The following UBE3C variants were observed in gnomAD, a reference collection of about 807,000 sequenced individuals.
UBE3C encodes the protein ubiquitin-protein ligase E3C.
A neutral mutation model predicts 129.4 loss-of-function variants in UBE3C; 42 were observed. The observed-to-expected ratio is 0.32, with a 90% confidence interval of 0.25 to 0.42. UBE3C has a LOEUF of 0.42. Ranked by LOEUF, UBE3C falls within the 10% of genes least tolerant of loss-of-function variation. UBE3C has a pLI of 1.00. For synonymous variants in UBE3C, 510 were observed against 492.4 expected (o/e 1.04, Z -0.47); for missense variants, 1,049 against 1,319.1 (o/e 0.80, Z 3.17).
chr7:157,175,078 CA>C (rs752883213), intron 5 of UBE3C, 44 bp downstream of exon 5: 4 of 1,386,562 alleles, frequency 2.9e-6, no homozygotes, highest in Non-Finnish European at 3.9e-6. Context: ...ATGTATTGAT[CA>C]CCTTGTCTAG....
chr7:157,207,974 A>T, intron 13 of UBE3C, 39 bp downstream of exon 13: 1 of 1,348,372 alleles, frequency 7.4e-7, no homozygotes, highest in Non-Finnish European at 9.6e-7. Context: ...CTGACATTGA[A>T]AAATGTACAA....
Position 157,197,486 on chromosome 7 carries a change from T to A in UBE3C, c.1332-4235T>A, listed in dbSNP as rs1324197087. ...AATAACAATAAAACCAAAATTTATC[T>A]GTAAAAATAATAAAAATAATTTGTT... On this transcript the variant is annotated intron_variant, in intron 10 of 22. Coordinates refer to ENST00000348165, the MANE Select transcript of UBE3C (RefSeq NM_014671.3). 3 of 775,806 alleles carry A rather than the reference T, an allele frequency of 3.9e-6. No individual in the cohort carries two copies. The East Asian group carries it at 8.4e-5, about 22-fold the overall frequency. The allele number at this position is 775,806 out of a possible 1,614,324, so 48.1% of individuals were successfully genotyped here.
At chr7:157,177,772 A>G (rs534982874) in intron 5 of UBE3C, among the ~76,000 whole-genome samples, 17 of 152,266 alleles carry the variant, frequency 1.1e-4, no homozygotes, top group East Asian at 9.7e-4. Flanking sequence ...CGGTAAGCGG[A>G]TAAGCCGTGT....
chr7:157,217,280 T>A (rs1471999342), intron 14 of UBE3C: 1 of 209,912 alleles, frequency 4.8e-6, no homozygotes, highest in Non-Finnish European at 9.5e-6. Context: ...TTAATATATG[T>A]CTAGTATTTA....
intron 21 of UBE3C, among the ~76,000 whole-genome samples, chr7:157,255,767 G>A (rs575546672): frequency 1.3e-5 from 2 of 152,086 alleles, no homozygotes; most frequent in Admixed American, 1.3e-4. Flanking sequence ...AATTATTTTA[G>A]GTTTAGGGAG....
At chr7:157,242,907 A>T (rs970295402) in intron 18 of UBE3C, among the ~76,000 whole-genome samples, 11 of 152,018 alleles carry the variant, frequency 7.2e-5, no homozygotes, top group Non-Finnish European at 1.6e-4. Flanking sequence ...ATACAAAAAT[A>T]AGCTGGGCGT....
intron 13 of UBE3C, among the ~76,000 whole-genome samples, chr7:157,211,659 T>A (rs183737907): frequency 6.6e-6 from 1 of 152,158 alleles, no homozygotes; most frequent in East Asian, 1.9e-4. Context: ...CTAAGGGCTA[T>A]ATAAAATTTG....
chr7:157,197,912 T>C (rs1303880565), intron 10 of UBE3C: 16 of 1,604,492 alleles, frequency 1.0e-5, no homozygotes, highest in Middle Eastern at 1.7e-4. Context: ...TACTGACTAT[T>C]TCAGGTGTAA....
intron 19 of UBE3C, among the ~76,000 whole-genome samples, chr7:157,252,937 G>T (rs747102879): frequency 1.3e-5 from 2 of 152,170 alleles, no homozygotes; most frequent in Non-Finnish European, 1.5e-5. Flanking sequence ...ACAGGTGGGG[G>T]TCTTGCTTTA....
intron 1 of UBE3C, among the ~76,000 whole-genome samples, chr7:157,146,436 T>A (rs1179919103): frequency 6.6e-6 from 1 of 152,096 alleles, no homozygotes; most frequent in Non-Finnish European, 1.5e-5. Context: ...TTGGTCAGGC[T>A]GGTCTCGAAC....
At chr7:157,180,048 TTAAGAAA>T (rs1757314097) in intron 6 of UBE3C, among the ~76,000 whole-genome samples, 2 of 152,228 alleles carry the variant, frequency 1.3e-5, no homozygotes, top group Admixed American at 1.3e-4. Context: ...AGGAAGATAT[TTAAGAAA>T]TATGCATTAT....
At chr7:157,150,946 G>A (rs1057189749) in intron 1 of UBE3C, among the ~76,000 whole-genome samples, 4 of 152,228 alleles carry the variant, frequency 2.6e-5, no homozygotes, top group African/African-American at 7.2e-5. Context: ...AGTGCTGGCC[G>A]TTGGCAGGAG....
intron 10 of UBE3C, chr7:157,192,927 C>A: frequency 1.5e-6 from 1 of 652,968 alleles, no homozygotes; most frequent in Non-Finnish European, 2.7e-6. Flanking sequence ...CACTTTCCCC[C>A]ATTTTAATTT....
intron 1 of UBE3C, among the ~76,000 whole-genome samples, chr7:157,144,419 A>C (rs1162590558): frequency 1.3e-5 from 2 of 152,096 alleles, no homozygotes; most frequent in African/African-American, 4.8e-5. Flanking sequence ...AGACGGGGGA[A>C]ACTTAAGTTT....
In UBE3C at chr7:157,198,014, A is replaced by G. The variant is rs541817500; in HGVS notation, c.1332-3707A>G. On this transcript the variant is annotated intron_variant, in intron 10 of 22. Transcript: ENST00000348165. ...GATCCTGATGGTCCTCCATATCCCAATTCACTTGGCCACCATGAACAAGGC... is the reference window on the plus strand; with the variant it reads ...GATCCTGATGGTCCTCCATATCCCAGTTCACTTGGCCACCATGAACAAGGC... 2.4e-4 allele frequency: 378 copies of G among 1,605,468 alleles called. 1 individual carries two copies. Among genetic ancestry groups the G allele is most frequent in the Non-Finnish European group, 2.9e-4 (343 of 1,173,362 alleles).
intron 1 of UBE3C, among the ~76,000 whole-genome samples, chr7:157,153,993 TC>T (rs1175228326): frequency 1.4e-5 from 2 of 141,656 alleles, no homozygotes; most frequent in African/African-American, 2.6e-5. Context: ...CGAGGCCCTG[TC>T]TGGGGGGGGA....
At chr7:157,140,135 G>T in intron 1 of UBE3C, 3 of 589,148 alleles carry the variant, frequency 5.1e-6, no homozygotes, top group Non-Finnish European at 6.4e-6. Flanking sequence ...CTAAGTCGTT[G>T]AACACTGTGT....
chr7:157,165,860 G>A (rs540871786), intron 2 of UBE3C, among the ~76,000 whole-genome samples: 9 of 152,030 alleles, frequency 5.9e-5, no homozygotes, highest in South Asian at 2.1e-4. Context: ...TGGATCTTCC[G>A]TGGGGTTTGT....
At chr7:157,147,309 T>G (rs1322698685) in intron 1 of UBE3C, among the ~76,000 whole-genome samples, 2 of 152,224 alleles carry the variant, frequency 1.3e-5, no homozygotes, top group East Asian at 3.8e-4. Flanking sequence ...GGTATTGTGT[T>G]TCAGTTTCAA....
Sources: allele counts gnomAD v4.1 joint callset (sites outside exome capture counted in the v4.1 genomes callset), GRCh38; gene constraint gnomAD v4.1.1; transcripts MANE v1.5; gene names NCBI Gene and HGNC (gene_info 2026-07-23, HGNC 2026-07-21).